Variants in TBL1X observed in about 807,000 individuals in gnomAD.
TBL1X encodes the protein transducin beta like 1 X-linked.
A neutral mutation model predicts 50.7 loss-of-function variants in TBL1X; 10 were observed. That is an observed-to-expected ratio of 0.20 (90% CI 0.12 to 0.33). The LOEUF is 0.33. Ranked by LOEUF, TBL1X falls within the 10% of genes least tolerant of loss-of-function variation. The pLI is 1.00. For synonymous variants in TBL1X, 190 were observed against 214.7 expected (o/e 0.88, Z 1.01); for missense variants, 340 against 504.4 (o/e 0.67, Z 3.12).
At chrX:9,637,068 A>G (rs1270302076) in intron 2 of TBL1X, 1 of 112,323 alleles carries the variant, frequency 8.9e-6, no homozygotes, top group East Asian at 2.8e-4. Context: ...GTGAAATGAC[A>G]GTGTCGGTGA....
intron 7 of TBL1X, among the ~76,000 whole-genome samples, chrX:9,689,609 C>G (rs2083085045): frequency 9.0e-6 from 1 of 111,619 alleles, no homozygotes; most frequent in Non-Finnish European, 1.9e-5. Flanking sequence ...ACCCCCTTCT[C>G]AAACCCTGCA....
intron 12 of TBL1X, among the ~76,000 whole-genome samples, chrX:9,699,389 G>C (rs1319589486): frequency 8.9e-6 from 1 of 112,182 alleles, no homozygotes; most frequent in Non-Finnish European, 1.9e-5. Context: ...GTGGACAGAA[G>C]TGGGTAGGTG....
At chrX:9,570,271 A>G (rs1307731661) in intron 2 of TBL1X, among the ~76,000 whole-genome samples, 3 of 112,030 alleles carry the variant, frequency 2.7e-5, no homozygotes, top group Non-Finnish European at 3.8e-5. Flanking sequence ...ACACATGCAT[A>G]TGGAGTGCTG....
rs144247654 is a variant in TBL1X, at chrX:9,540,450, C to T, written c.-131+38601C>T. Among the ~76,000 whole-genome samples the T allele has an allele frequency of 9.9e-4, 111 of 112,431 alleles. 2 individuals are homozygous for T. In the East Asian group the frequency reaches 0.029, roughly 30 times the overall value. On this transcript the variant is annotated intron_variant, in intron 2 of 17. Transcript: ENST00000645353. ...GAAATTGTGAACCAGAAAGGCCCCACCTCTGGCAGTGGCTCTTCCATTGGA... is the reference window on the plus strand; with the variant it reads ...GAAATTGTGAACCAGAAAGGCCCCATCTCTGGCAGTGGCTCTTCCATTGGA...
chrX:9,598,839 A>G (rs1300015402), intron 2 of TBL1X, among the ~76,000 whole-genome samples: 2 of 110,821 alleles, frequency 1.8e-5, no homozygotes, highest in African/African-American at 6.6e-5. Flanking sequence ...GCTTGTAGCT[A>G]CATCACCCAG....
At chrX:9,492,882 T>TA (rs1213143277) in intron 1 of TBL1X, among the ~76,000 whole-genome samples, 3,071 of 42,538 alleles carry the variant, frequency 0.072, 154 homozygotes, top group Non-Finnish European at 0.08. Flanking sequence ...TGTGTGTGTG[T>TA]GTGTGTGTGT....
At chrX:9,683,263 TG>T (rs2083036680) in intron 5 of TBL1X, among the ~76,000 whole-genome samples, 1 of 111,850 alleles carries the variant, frequency 8.9e-6, no homozygotes, top group African/African-American at 3.3e-5. Flanking sequence ...GAGCAAGGCA[TG>T]GCTTTCTGTG....
At chrX:9,531,563 A>G (rs1011692899) in intron 2 of TBL1X, among the ~76,000 whole-genome samples, 1 of 110,896 alleles carries the variant, frequency 9.0e-6, no homozygotes, top group Non-Finnish European at 1.9e-5. Context: ...AGAAAATAAC[A>G]ACGACAACAA....
intron 5 of TBL1X, among the ~76,000 whole-genome samples, chrX:9,662,288 A>G (rs1402219798): frequency 9.0e-6 from 1 of 111,631 alleles, no homozygotes. Flanking sequence ...GTCCTTTAGA[A>G]CACCTCAGCG....
intron 5 of TBL1X, among the ~76,000 whole-genome samples, chrX:9,667,828 T>C (rs886154895): frequency 2.1e-4 from 23 of 111,946 alleles, no homozygotes; most frequent in African/African-American, 6.5e-4. Flanking sequence ...TTTTGAGTTA[T>C]CATTTTGGCT....
intron 3 of TBL1X, among the ~76,000 whole-genome samples, chrX:9,646,521 G>C (rs1332175329): frequency 1.8e-5 from 2 of 112,152 alleles, no homozygotes; most frequent in African/African-American, 6.5e-5. Flanking sequence ...GAGTTTGCTC[G>C]TTTCCATGAA....
At chrX:9,688,641 T>TA (rs1222986807) in intron 7 of TBL1X, among the ~76,000 whole-genome samples, 2 of 112,705 alleles carry the variant, frequency 1.8e-5, no homozygotes, top group East Asian at 5.6e-4. Context: ...ATGGTATAAT[T>TA]ATTGAGCTTG....
At chrX:9,586,046 T>C (rs1352660643) in intron 2 of TBL1X, among the ~76,000 whole-genome samples, 1 of 112,322 alleles carries the variant, frequency 8.9e-6, no homozygotes, top group East Asian at 2.8e-4. Flanking sequence ...TTATGCACTA[T>C]TGGAAGGATC....
At chrX:9,711,067 C>T (rs191128908) in intron 15 of TBL1X, among the ~76,000 whole-genome samples, 169 of 111,624 alleles carry the variant, frequency 1.5e-3, no homozygotes, top group Non-Finnish European at 2.9e-3. Context: ...CAGGGCTGGG[C>T]GCAGTGGCTT....
chrX:9,498,439 G>A (rs1480312636), intron 1 of TBL1X, among the ~76,000 whole-genome samples: 2 of 112,313 alleles, frequency 1.8e-5, no homozygotes, highest in Non-Finnish European at 3.8e-5. Context: ...AGGCCCTGGA[G>A]AACATTAATG....
intron 7 of TBL1X, among the ~76,000 whole-genome samples, chrX:9,689,977 C>T (rs1177031692): frequency 8.9e-6 from 1 of 112,483 alleles, no homozygotes; most frequent in South Asian, 3.7e-4. Context: ...CTCAGTGACA[C>T]GTAACCTAAG....
chrX:9,683,124 T>C (rs1365809093), intron 5 of TBL1X, among the ~76,000 whole-genome samples: 1 of 112,286 alleles, frequency 8.9e-6, no homozygotes, highest in East Asian at 2.8e-4. Context: ...CTAGGCTTGC[T>C]GGCAGTGGGA....
At chrX:9,556,308 C>T (rs2082299267) in intron 2 of TBL1X, among the ~76,000 whole-genome samples, 1 of 110,853 alleles carries the variant, frequency 9.0e-6, no homozygotes, top group Admixed American at 9.6e-5. Flanking sequence ...GTTTCTGTGG[C>T]TGCTGTAACA....
chrX:9,625,140 T>A (rs2082686098), intron 2 of TBL1X, among the ~76,000 whole-genome samples: 1 of 112,519 alleles, frequency 8.9e-6, no homozygotes, highest in Non-Finnish European at 1.9e-5. Context: ...GTCTGCAGGT[T>A]CATCTTGGTT....
Sources: gnomAD v4.1 joint callset for allele counts (sites outside exome capture counted in the v4.1 genomes callset) on GRCh38, gnomAD v4.1.1 for gene constraint, MANE v1.5 for transcripts, NCBI Gene and HGNC (gene_info 2026-07-23, HGNC 2026-07-21) for gene names.